Variants in USP14 observed in about 807,000 individuals in gnomAD.
USP14 encodes ubiquitin specific peptidase 14.
Under a neutral mutation model 76.5 loss-of-function variants are expected in USP14, and 38 were observed. The observed-to-expected ratio is 0.50, with a 90% confidence interval of 0.38 to 0.65. The LOEUF (loss-of-function observed/expected upper bound fraction) is 0.65. USP14 is among the 30% of genes least tolerant of loss of function. The pLI, the probability that USP14 is intolerant of heterozygous loss-of-function variation, is 0.00. For missense variants in USP14, 467 were observed against 586.5 expected (o/e 0.80, Z 2.10); for synonymous variants, 192 against 191.7 (o/e 1.00, Z -0.01).
At chr18:186,817 A>G (rs1163977826) in intron 5 of USP14, among the ~76,000 whole-genome samples, 2 of 152,132 alleles carry the variant, frequency 1.3e-5, no homozygotes, top group Non-Finnish European at 2.9e-5. Context: ...ACATATGTGT[A>G]GCAGTGTATG....
chr18:166,731 A>G, intron 2 of USP14, 56 bp from the exon 3 acceptor site: 1 of 1,507,156 alleles, frequency 6.6e-7, no homozygotes, highest in Non-Finnish European at 9.1e-7. Flanking sequence ...TGATTATTAG[A>G]TTGTGTTCAG....
chr18:170,135 C>T (rs1447545478), intron 3 of USP14, among the ~76,000 whole-genome samples: 3 of 151,916 alleles, frequency 2.0e-5, no homozygotes, highest in Middle Eastern at 3.2e-3. Flanking sequence ...ACCCCATCTC[C>T]ACTAAATAAA....
intron 5 of USP14, among the ~76,000 whole-genome samples, chr18:185,686 A>G (rs904383864): frequency 6.6e-6 from 1 of 151,868 alleles, no homozygotes; most frequent in Non-Finnish European, 1.5e-5. Flanking sequence ...TTTAAAATTT[A>G]AAAAAATTTT....
chr18:192,925 T>C, intron 6 of USP14, 25 bp downstream of exon 6: 1 of 1,595,988 alleles, frequency 6.3e-7, no homozygotes, highest in Non-Finnish European at 8.6e-7. Flanking sequence ...TATACTACTT[T>C]TTGATAGGAG....
chr18:199,328 C>A lies in USP14; in HGVS notation c.876+12C>A. On this transcript the variant is annotated intron_variant, in intron 10 of 15. Transcript: ENST00000261601. Reference sequence around the variant, plus strand: ...CAGGACTTAAATTGGTAAGGACAATCTCAGTCCATCCTTGTTGTTTGTGAA... The same window carrying A: ...CAGGACTTAAATTGGTAAGGACAATATCAGTCCATCCTTGTTGTTTGTGAA... The A allele has an allele frequency of 6.4e-7, 1 of 1,555,896 alleles. No individual in the cohort carries two copies. The highest frequency in any genetic ancestry group is 1.4e-5 in the African/African-American group (1 of 73,670).
chr18:179,398 G>T (rs934713129), intron 4 of USP14, among the ~76,000 whole-genome samples: 38 of 152,094 alleles, frequency 2.5e-4, no homozygotes, highest in African/African-American at 8.9e-4. Flanking sequence ...TGAGAAAACA[G>T]GGTCAAAGAG....
intron 9 of USP14, 41 bp from the exon 10 acceptor site, chr18:199,161 T>C: frequency 2.3e-6 from 3 of 1,296,128 alleles, no homozygotes; most frequent in Non-Finnish European, 3.3e-6. Flanking sequence ...ATATAACAAA[T>C]TGAATACCCG....
At chr18:205,881 A>G (rs1330001300) in intron 13 of USP14, among the ~76,000 whole-genome samples, 2 of 152,224 alleles carry the variant, frequency 1.3e-5, no homozygotes, top group African/African-American at 2.4e-5. Context: ...GGTGTTGTGC[A>G]TATCAGTTGC....
intron 10 of USP14, among the ~76,000 whole-genome samples, chr18:201,543 G>A (rs1252804911): frequency 2.0e-5 from 3 of 152,210 alleles, no homozygotes; most frequent in Non-Finnish European, 2.9e-5. Flanking sequence ...GGAGAGTTTT[G>A]AGCCAGTGTG....
At chr18:171,056 A>ATATATATATATATATATATATATAT (rs1568416863) in intron 3 of USP14, among the ~76,000 whole-genome samples, 5 of 139,350 alleles carry the variant, frequency 3.6e-5, no homozygotes, top group East Asian at 2.2e-4. Context: ...ATATATATAT[A>ATATATATATATATATATATATATAT]AACTGAAGCT....
At chr18:195,358 G>A (rs1910201714) in intron 6 of USP14, among the ~76,000 whole-genome samples, 1 of 133,186 alleles carries the variant, frequency 7.5e-6, no homozygotes, top group African/African-American at 2.8e-5. Flanking sequence ...ATTTTATTGA[G>A]CCCCTGCTTT....
At position 202,880 on chromosome 18, in the gene USP14, C is replaced by A; in HGVS notation, c.877C>A (p.Arg293=). 1 of 1,613,878 alleles carries A rather than the reference C, an allele frequency of 6.2e-7. No homozygotes were observed. Among genetic ancestry groups the A allele is most frequent in the Non-Finnish European group, 8.5e-7 (1 of 1,179,916 alleles). ...GGTCTTCTGTTATGTTCTTTCTTAG[C>A]GACTTCAGGAAGAAATCACCAAACA... is the stretch of plus-strand genomic sequence containing the variant. ...VKYLFTGLKL[R]LQEEITKQSP... is the part of the protein sequence containing the mutation. The change falls in exon 11 of 16, where the codon CGA becomes AGA. Residue 293 remains arginine (R), a splice_region_variant and synonymous_variant. Coordinates refer to ENST00000261601, the MANE Select transcript of USP14 (RefSeq NM_005151.4).
At chr18:194,075 G>C (rs1224539229) in intron 6 of USP14, among the ~76,000 whole-genome samples, 1 of 152,134 alleles carries the variant, frequency 6.6e-6, no homozygotes. Context: ...TGATTTCTCT[G>C]TCTCCTTACC....
rs1245722110 is a variant in USP14 at position 204,548 on chromosome 18, G to T, written c.1036-16G>T. 8.4e-6 allele frequency: 13 copies of T among 1,542,978 alleles called. No homozygotes were observed. The Admixed American group carries it at 8.6e-5, about 10-fold the overall frequency. On this transcript the variant is annotated splice_polypyrimidine_tract_variant and intron_variant, in intron 12 of 15. Coordinates refer to ENST00000261601, the MANE Select transcript of USP14 (RefSeq NM_005151.4). Reference sequence around the variant, plus strand: ...ATAAATGTGTTTACACATGTTTTTTGTTTGTTTGTATATAGGATGTTAAAT... The same window carrying T: ...ATAAATGTGTTTACACATGTTTTTTTTTTGTTTGTATATAGGATGTTAAAT...
chr18:161,878 G>A (rs1234564963), intron 1 of USP14, among the ~76,000 whole-genome samples: 1 of 152,160 alleles, frequency 6.6e-6, no homozygotes. Context: ...TAAAATATAT[G>A]TAATAAAGTT....
chr18:209,828 T>A lies in USP14; in HGVS notation c.1165-143T>A, dbSNP rs552109545. 21 of 602,192 alleles carry A rather than the reference T, an allele frequency of 3.5e-5. No homozygotes were observed. In the East Asian group the frequency reaches 5.6e-4, roughly 16 times the overall value. 37.3% of individuals were successfully genotyped at this position (602,192 alleles called of 1,614,324 possible). ...GTTTACAGTTTTAACTGTGGTTATA[T>A]CATTTTAGTAATTTGGAAGGTAGAC... On this transcript the variant is annotated intron_variant, in intron 13 of 15. Coordinates refer to ENST00000261601, the MANE Select transcript of USP14 (RefSeq NM_005151.4).
At chr18:186,528 A>T (rs1909934877) in intron 5 of USP14, among the ~76,000 whole-genome samples, 1 of 152,110 alleles carries the variant, frequency 6.6e-6, no homozygotes, top group African/African-American at 2.4e-5. Flanking sequence ...TGAGGCGGGC[A>T]GATCACCGAA....
intron 3 of USP14, among the ~76,000 whole-genome samples, chr18:169,720 G>A (rs939306907): frequency 6.6e-6 from 1 of 152,128 alleles, no homozygotes; most frequent in Non-Finnish European, 1.5e-5. Context: ...CATCGAGCAA[G>A]TTTATAGGCA....
intron 13 of USP14, among the ~76,000 whole-genome samples, chr18:207,002 G>A (rs1183033252): frequency 6.6e-6 from 1 of 152,148 alleles, no homozygotes; most frequent in Non-Finnish European, 1.5e-5. Context: ...ATAGTGTGAG[G>A]TGTGGGTTCA....
Sources: allele counts gnomAD v4.1 joint callset (sites outside exome capture counted in the v4.1 genomes callset), GRCh38; gene constraint gnomAD v4.1.1; transcripts MANE v1.5; gene names NCBI Gene and HGNC (gene_info 2026-07-23, HGNC 2026-07-21).